Variants in SEM1 observed in about 807,000 individuals in gnomAD.
The protein encoded by SEM1 is SEM1 26S proteasome subunit.
Under a neutral mutation model 12.7 loss-of-function variants are expected in SEM1, and 3 were observed. The ratio of observed to expected loss-of-function variants is 0.24; its 90% CI spans 0.11 to 0.61. The LOEUF (loss-of-function observed/expected upper bound fraction) is 0.61, where lower values mean the gene tolerates loss of function less well. SEM1 is among the 20% of genes least tolerant of loss of function. The pLI is 0.88. For synonymous variants in SEM1, 30 were observed against 27.8 expected (o/e 1.08, Z -0.25); for missense variants, 59 against 81.3 (o/e 0.73, Z 1.06).
chr7:96,515,098 T>A (rs1467272239), intron 2 of SEM1, among the ~76,000 whole-genome samples: 1 of 152,044 alleles, frequency 6.6e-6, no homozygotes, highest in Non-Finnish European at 1.5e-5. Context: ...ATAAATATAA[T>A]CAACTGATAT....
At chr7:96,671,725 G>A (rs1789322399), downstream of SEM1, among the ~76,000 whole-genome samples, 1 of 152,172 alleles carries the variant, frequency 6.6e-6, no homozygotes, top group Admixed American at 6.5e-5. Flanking sequence ...AACTAAATAA[G>A]CAAAGTTGAG....
intron 2 of SEM1, among the ~76,000 whole-genome samples, chr7:96,601,340 A>G (rs1311956234): frequency 3.3e-5 from 5 of 152,184 alleles, no homozygotes; most frequent in African/African-American, 1.2e-4. Flanking sequence ...GCTAAGAAAA[A>G]AAGTCAATTG....
intron 2 of SEM1, among the ~76,000 whole-genome samples, chr7:96,512,824 C>T (rs1034134969): frequency 2.0e-5 from 3 of 152,014 alleles, no homozygotes; most frequent in African/African-American, 7.2e-5. Context: ...GAGGAAGAGT[C>T]AGAAAGGCTG....
At chr7:96,522,252 C>A (rs1804299895) in intron 2 of SEM1, among the ~76,000 whole-genome samples, 1 of 152,124 alleles carries the variant, frequency 6.6e-6, no homozygotes, top group Non-Finnish European at 1.5e-5. Context: ...ATTTGCGTAA[C>A]TGATCCATTC....
chr7:96,530,673 A>G (rs974088061), intron 2 of SEM1, among the ~76,000 whole-genome samples: 1 of 152,122 alleles, frequency 6.6e-6, no homozygotes, highest in Non-Finnish European at 1.5e-5. Context: ...ACCAGAAAAC[A>G]ATTCGGCGTA....
intron 2 of SEM1, among the ~76,000 whole-genome samples, chr7:96,558,908 A>G (rs1805612092): frequency 6.6e-6 from 1 of 152,186 alleles, no homozygotes; most frequent in Non-Finnish European, 1.5e-5. Flanking sequence ...TTATGGACTA[A>G]TATTGGGTAA....
chr7:96,656,030 T>C (rs1809168751), intron 2 of SEM1, among the ~76,000 whole-genome samples: 1 of 152,208 alleles, frequency 6.6e-6, no homozygotes, highest in Non-Finnish European at 1.5e-5. Context: ...CAGTAAGGAA[T>C]GGGGAGCATG....
chr7:96,673,692 T>C, exon 3 of SEM1: 1 of 753,550 alleles, frequency 1.3e-6, no homozygotes, highest in South Asian at 1.4e-5. Flanking sequence ...ATAATAGCTC[T>C]CCAATCCTGT....
At chr7:96,599,491 C>T (rs1020654146) in intron 2 of SEM1, among the ~76,000 whole-genome samples, 1 of 152,182 alleles carries the variant, frequency 6.6e-6, no homozygotes, top group African/African-American at 2.4e-5. Flanking sequence ...GGATACCTAA[C>T]AAATATTTGC....
At chr7:96,623,863 G>A (rs187658141) in intron 2 of SEM1, among the ~76,000 whole-genome samples, 83 of 152,232 alleles carry the variant, frequency 5.5e-4, no homozygotes, top group Non-Finnish European at 1.0e-4. Context: ...GGCTCTAGGG[G>A]AGAATCTATC....
intron 2 of SEM1, among the ~76,000 whole-genome samples, chr7:96,568,654 T>C (rs903107973): frequency 6.6e-6 from 1 of 151,834 alleles, no homozygotes; most frequent in African/African-American, 2.4e-5. Flanking sequence ...TTGTTTTTAG[T>C]ATGTTGTTTG....
At chr7:96,695,005 T>C (rs1790044241) in intron 1 of SEM1, 114 bp from the exon 2 acceptor site, 1 of 665,798 alleles carries the variant, frequency 1.5e-6, no homozygotes, top group African/African-American at 1.8e-5. Context: ...GCTAAAACCA[T>C]ATCTATGAAA....
intron 2 of SEM1, among the ~76,000 whole-genome samples, chr7:96,557,552 G>C (rs555224388): frequency 1.4e-5 from 1 of 72,842 alleles, no homozygotes; most frequent in African/African-American, 3.1e-5. Flanking sequence ...GCCCGTTCTC[G>C]TATTTCCAGC....
intron 2 of SEM1, among the ~76,000 whole-genome samples, chr7:96,642,316 T>C (rs1449360786): frequency 6.6e-6 from 1 of 152,108 alleles, no homozygotes; most frequent in Non-Finnish European, 1.5e-5. Context: ...GTTTATAGAA[T>C]TTTAAATTTT....
At chr7:96,684,051 T>C (rs1479232050), downstream of SEM1, among the ~76,000 whole-genome samples, 4 of 151,984 alleles carry the variant, frequency 2.6e-5, no homozygotes, top group East Asian at 5.8e-4. Context: ...ATAAGGACGT[T>C]TGTAGGCTTG....
At chr7:96,581,982 G>T (rs1400009254) in intron 2 of SEM1, among the ~76,000 whole-genome samples, 1 of 148,830 alleles carries the variant, frequency 6.7e-6, no homozygotes, top group African/African-American at 2.5e-5. Flanking sequence ...CTGCCTAATT[G>T]CCCTGGCCAG....
chr7:96,639,109 A>G lies in SEM1; in HGVS notation c.171-16466T>C, dbSNP rs1431133127. Among the ~76,000 whole-genome samples, 3 of 152,046 alleles carry G rather than the reference A, an allele frequency of 2.0e-5. No homozygotes were observed. The East Asian group carries it at 5.8e-4, about 29-fold the overall frequency. ...TCCTGAAAGTAATTTCACTTTGTCAAGTACTCTTAATATACTGCAGAGTTA... is the reference window on the plus strand; with the variant it reads ...TCCTGAAAGTAATTTCACTTTGTCAGGTACTCTTAATATACTGCAGAGTTA... On this transcript the variant is annotated intron_variant, in intron 2 of 2. Coordinates refer to the SEM1 transcript ENST00000417009.
chr7:96,483,713 C>A, exon 4 of SEM1: 2 of 1,014,158 alleles, frequency 2.0e-6, no homozygotes, highest in Non-Finnish European at 2.9e-6. Context: ...GTCATGTGAC[C>A]CACCCAGCCA....
At chr7:96,670,866 T>C (rs765337556), downstream of SEM1, among the ~76,000 whole-genome samples, 1 of 152,202 alleles carries the variant, frequency 6.6e-6, no homozygotes, top group Non-Finnish European at 1.5e-5. Context: ...CTGCTTTGTG[T>C]TACTTTCTAA....
Sources: allele counts gnomAD v4.1 joint callset (sites outside exome capture counted in the v4.1 genomes callset), GRCh38; gene constraint gnomAD v4.1.1; transcripts MANE v1.5; gene names NCBI Gene and HGNC (gene_info 2026-07-23, HGNC 2026-07-21).